ANKRD30A: variants seen among roughly 807,000 people sequenced by gnomAD.
ANKRD30A encodes the protein ankyrin repeat domain 30A, also known as ankyrin repeat domain-containing protein 30A.
ANKRD30A carries 170 observed loss-of-function variants against 166.3 expected under a neutral mutation model. That is an observed-to-expected ratio of 1.02 (90% confidence interval 0.90 to 1.16). ANKRD30A has a LOEUF of 1.16. ANKRD30A is among the 50% of genes most tolerant of loss of function. The pLI, the probability that ANKRD30A is intolerant of heterozygous loss-of-function variation, is 0.00. For synonymous variants in ANKRD30A, 564 were observed against 508.9 expected, an observed-to-expected ratio of 1.11 and a Z score of -1.46; for missense variants, 1,630 against 1,518.0, an observed-to-expected ratio of 1.07 and a Z score of -1.23.
rs1158870150 is a variant in ANKRD30A at position 37,178,914 on chromosome 10, G to C, written c.2421+2696G>C. ...AGAAAAGTTTTACTGCAGAATGTTA[G>C]AGTGTGGGTGCTCTGGAGACTACTG... On this transcript the variant is annotated intron_variant, in intron 24 of 35. Transcript: ENST00000361713. Among the ~76,000 whole-genome samples, 3 of 150,700 alleles carry C rather than the reference G, an allele frequency of 2.0e-5. No individual in the cohort carries two copies. The South Asian group carries it at 6.4e-4, about 32-fold the overall frequency.
downstream of ANKRD30A, among the ~76,000 whole-genome samples, chr10:37,235,706 A>G (rs979731970): frequency 6.6e-6 from 1 of 151,214 alleles, no homozygotes; most frequent in African/African-American, 2.4e-5. Flanking sequence ...TTGTTGAAAT[A>G]GTGAATATTG....
In ANKRD30A at chr10:37,219,309, T is replaced by G. The variant is rs772335468; in HGVS notation, c.3597T>G (p.His1199Gln). 1 of 1,610,422 alleles carries G rather than the reference T, an allele frequency of 6.2e-7. No individual in the cohort carries two copies. Among genetic ancestry groups the G allele is most frequent in the South Asian group, 1.1e-5 (1 of 90,984 alleles). The stretch of plus-strand genomic sequence containing the variant: ...TAGAGGCAGAAATTGAATCACACCA[T>G]CCTAGACTGGCTTCTGCTGTACAAG... ...EILEAEIESH[H>Q]PRLASAVQDH... The change falls in exon 34 of 36, where the codon CAT (histidine) becomes CAG (glutamine). Residue 1199 changes from histidine to glutamine, a missense_variant. Transcript: ENST00000361713.
At chr10:37,190,860 G>C (rs564696838) in intron 25 of ANKRD30A, among the ~76,000 whole-genome samples, 2 of 151,688 alleles carry the variant, frequency 1.3e-5, no homozygotes, top group Admixed American at 1.3e-4. Flanking sequence ...GTATGTTTTT[G>C]ACGTTCACAA....
chr10:37,257,707 T>C, the ANKRD30A span, among the ~76,000 whole-genome samples: 1 of 152,186 alleles, frequency 6.6e-6, no homozygotes, highest in South Asian at 2.1e-4. Flanking sequence ...AATTTTGTGG[T>C]TTTGAGTGAG....
intron 7 of ANKRD30A, among the ~76,000 whole-genome samples, chr10:37,142,922 A>G (rs1265460299): frequency 6.6e-6 from 1 of 152,056 alleles, no homozygotes. Flanking sequence ...AACAGCTCCA[A>G]TAATCATGCT....
chr10:37,126,767 G>GC (rs1836045561), intron 1 of ANKRD30A, among the ~76,000 whole-genome samples: 2 of 152,152 alleles, frequency 1.3e-5, no homozygotes, highest in Non-Finnish European at 2.9e-5. Context: ...CACAAGATGA[G>GC]CCGGGAGTGG....
downstream of ANKRD30A, among the ~76,000 whole-genome samples, chr10:37,234,758 G>A (rs1441759895): frequency 1.3e-5 from 2 of 152,108 alleles, no homozygotes; most frequent in African/African-American, 4.8e-5. Context: ...TTTCTCAAAT[G>A]TTCATTCAGT....
At chr10:37,254,065 A>G in the ANKRD30A span, among the ~76,000 whole-genome samples, 1 of 152,324 alleles carries the variant, frequency 6.6e-6, no homozygotes, top group Middle Eastern at 3.4e-3. Flanking sequence ...TTGCCAATTC[A>G]CTGTTGGGTT....
At chr10:37,207,715 A>G (rs185548648) in intron 31 of ANKRD30A, among the ~76,000 whole-genome samples, 220 of 152,050 alleles carry the variant, frequency 1.4e-3, no homozygotes, top group African/African-American at 5.0e-3. Context: ...CTATATCATT[A>G]TCATTATAAT....
intron 32 of ANKRD30A, among the ~76,000 whole-genome samples, chr10:37,216,976 G>T (rs1842636421): frequency 6.6e-6 from 1 of 150,890 alleles, no homozygotes. Context: ...TAATTTATTA[G>T]TTTATTCAAC....
In ANKRD30A at chr10:37,219,099, A is replaced by G; in HGVS notation, c.3387A>G (p.Glu1129=). Residue 1129 remains glutamate (E), a synonymous_variant, in exon 34 of 36, where the codon GAA becomes GAG. Transcript: ENST00000361713. ...ATLKHQYQEK[E]NKYFEDIKIL... ...TGAAACACCAATACCAGGAAAAGGA[A>G]AATAAATACTTTGAGGACATTAAGA... 6.2e-7 allele frequency: 1 copy of G among 1,609,558 alleles called. No homozygotes were observed. The highest frequency in any genetic ancestry group is 8.5e-7 in the Non-Finnish European group (1 of 1,176,984).
At position 37,142,015 on chromosome 10, in the gene ANKRD30A, C is replaced by T. The variant is rs374024060; in HGVS notation, c.1118C>T (p.Thr373Met). Reference protein sequence around the residue: ...SPAKETSEKFTWPAKGRPRKI... With the variant: ...SPAKETSEKFMWPAKGRPRKI... ...GCAAAAGAAACATCTGAGAAATTTA[C>T]GTGGCCAGCAAAAGGAAGACCTAGG... is the stretch of plus-strand genomic sequence containing the variant. The change falls in exon 7 of 36, where the codon ACG becomes ATG. Residue 373 changes from threonine to methionine, a missense_variant. By Grantham distance (81) the Thr-to-Met change is moderately conservative (BLOSUM62 -1). Around this residue, in one of 4 missense-constraint regions of ANKRD30A, gnomAD observed 904 missense variants for 818.5 expected, o/e 1.10. Coordinates refer to ENST00000361713, the MANE Select transcript of ANKRD30A (RefSeq NM_052997.3). The T allele has an allele frequency of 7.9e-5, 127 of 1,613,756 alleles. No homozygotes were observed. Among genetic ancestry groups the T allele is most frequent in the African/African-American group, 1.2e-4 (9 of 74,844 alleles).
intron 29 of ANKRD30A, among the ~76,000 whole-genome samples, chr10:37,199,003 C>G (rs1034560933): frequency 6.6e-6 from 1 of 152,000 alleles, no homozygotes; most frequent in African/African-American, 2.4e-5. Context: ...CATGTGGGAA[C>G]GTTGGATTAC....
the ANKRD30A span, among the ~76,000 whole-genome samples, chr10:37,258,498 G>C: frequency 2.6e-5 from 4 of 152,030 alleles, no homozygotes; most frequent in Non-Finnish European, 5.9e-5. Context: ...AGGTGAAACT[G>C]CAGTGTAGTG....
At chr10:37,195,649 C>T (rs989197899) in intron 27 of ANKRD30A, among the ~76,000 whole-genome samples, 5 of 152,102 alleles carry the variant, frequency 3.3e-5, no homozygotes, top group South Asian at 2.1e-4. Flanking sequence ...AATGCCAGCA[C>T]GTTGGGAGGC....
chr10:37,203,764 A>G (rs1046135634), intron 31 of ANKRD30A, among the ~76,000 whole-genome samples: 2 of 152,204 alleles, frequency 1.3e-5, no homozygotes, highest in East Asian at 3.9e-4. Context: ...AATCTTCTTA[A>G]GCTGATATAA....
At chr10:37,140,544 C>T (rs1837025685) in intron 6 of ANKRD30A, among the ~76,000 whole-genome samples, 1 of 152,088 alleles carries the variant, frequency 6.6e-6, no homozygotes, top group Non-Finnish European at 1.5e-5. Flanking sequence ...TCATTTCCTC[C>T]AAGTTGAAAC....
In ANKRD30A at chr10:37,219,092, A is replaced by G; in HGVS notation, c.3380A>G (p.Glu1127Gly). Residue 1127 changes from glutamate to glycine, a missense_variant, in exon 34 of 36, where the codon GAA becomes GGA. Transcript: ENST00000361713. ...EIATLKHQYQ[E>G]KENKYFEDIK... is the part of the protein sequence containing the mutation. ...GCCACACTGAAACACCAATACCAGGAAAAGGAAAATAAATACTTTGAGGAC... is the reference window on the plus strand; with the variant it reads ...GCCACACTGAAACACCAATACCAGGGAAAGGAAAATAAATACTTTGAGGAC... 1.9e-6 allele frequency: 3 copies of G among 1,609,244 alleles called. No individual in the cohort carries two copies. The highest frequency in any genetic ancestry group is 2.5e-6 in the Non-Finnish European group (3 of 1,176,786).
intron 24 of ANKRD30A, among the ~76,000 whole-genome samples, chr10:37,183,482 C>G (rs1383775495): frequency 2.0e-5 from 3 of 146,714 alleles, no homozygotes; most frequent in Non-Finnish European, 3.0e-5. Context: ...GAAGTTGCAC[C>G]TCTGAGTCTT....
Sources: allele counts gnomAD v4.1 joint callset (sites outside exome capture counted in the v4.1 genomes callset), GRCh38; gene constraint gnomAD v4.1.1; regional missense constraint gnomAD v4.1.1; transcripts MANE v1.5; gene names NCBI Gene and HGNC (gene_info 2026-07-23, HGNC 2026-07-21).